Variants in PCMTD1 observed in about 807,000 individuals in gnomAD.
PCMTD1 encodes the protein protein-L-isoaspartate O-methyltransferase domain-containing protein 1.
A neutral mutation model predicts 37.6 loss-of-function variants in PCMTD1; 12 were observed. That is an observed-to-expected ratio of 0.32 (90% CI 0.20 to 0.52). PCMTD1 has a LOEUF of 0.52. Ranked by LOEUF, PCMTD1 falls within the 20% of genes least tolerant of loss-of-function variation. The pLI is 0.97. For synonymous variants in PCMTD1, 117 were observed against 135.8 expected (o/e 0.86, Z 0.96); for missense variants, 235 against 421.3 (o/e 0.56, Z 3.87).
rs1239306181 is a variant in PCMTD1 at position 51,898,932 on chromosome 8, G to C, written c.-98C>G. On this transcript the variant is annotated splice_region_variant and 5_prime_UTR_variant, in exon 1 of 6. Coordinates refer to ENST00000522514, the MANE Select transcript of PCMTD1 (RefSeq NM_052937.4). Reference sequence around the variant, plus strand: ...GCCCCCACTGGCGGCGGCGTTACCTGTGGCGCGGGCAGCGGCGCGCAGGCC... The same window carrying C: ...GCCCCCACTGGCGGCGGCGTTACCTCTGGCGCGGGCAGCGGCGCGCAGGCC... 10 of 1,381,018 alleles carry C rather than the reference G, an allele frequency of 7.2e-6. No homozygotes were observed. Among genetic ancestry groups the C allele is most frequent in the Non-Finnish European group, 8.4e-6 (9 of 1,068,560 alleles). 85.5% of individuals were successfully genotyped at this position (1,381,018 alleles called of 1,614,324 possible). A position where few individuals can be genotyped will look rare whatever the true frequency, so the allele number is the denominator to read the frequency against.
chr8:51,872,804 T>A (rs1377532079), intron 1 of PCMTD1, among the ~76,000 whole-genome samples: 1 of 152,236 alleles, frequency 6.6e-6, no homozygotes. Flanking sequence ...CATGAGCTCA[T>A]ATCAAATGTA....
intron 5 of PCMTD1, among the ~76,000 whole-genome samples, chr8:51,824,093 C>T (rs1332929154): frequency 6.6e-6 from 1 of 152,156 alleles, no homozygotes; most frequent in Non-Finnish European, 1.5e-5. Context: ...CAATATCATA[C>T]TGAATGGGCA....
rs189728153 is a variant in PCMTD1, at chr8:51,887,994, C to T, written c.-96+10936G>A. Among the ~76,000 whole-genome samples the T allele has an allele frequency of 1.1e-4, 17 of 152,212 alleles. No individual in the cohort carries two copies. The East Asian group carries it at 3.1e-3, about 28-fold the overall frequency. On this transcript the variant is annotated intron_variant, in intron 1 of 5. Coordinates refer to ENST00000522514, the MANE Select transcript of PCMTD1 (RefSeq NM_052937.4). ...TCTTGACCTCGTGATCCGCCCACCT[C>T]GGCCTCCAAAAGTGCTGGGATTACA... is the stretch of plus-strand genomic sequence containing the variant.
At chr8:51,878,458 G>C (rs1457679059) in intron 1 of PCMTD1, among the ~76,000 whole-genome samples, 1 of 152,098 alleles carries the variant, frequency 6.6e-6, no homozygotes, top group East Asian at 1.9e-4. Context: ...CATGAATTGT[G>C]AGTTAAAATG....
intron 1 of PCMTD1, among the ~76,000 whole-genome samples, chr8:51,877,055 A>G (rs937070939): frequency 6.6e-6 from 1 of 152,244 alleles, no homozygotes; most frequent in Non-Finnish European, 1.5e-5. Context: ...AACTAACTTC[A>G]CCAACATTGG....
intron 1 of PCMTD1, among the ~76,000 whole-genome samples, chr8:51,869,019 C>T (rs1374905426): frequency 6.6e-6 from 1 of 151,972 alleles, no homozygotes; most frequent in Admixed American, 6.6e-5. Flanking sequence ...CTTTCCAAAT[C>T]CAGAAGTATG....
At chr8:51,831,630 A>C (rs1434627276) in intron 4 of PCMTD1, 63 bp from the exon 5 acceptor site, 2 of 1,515,096 alleles carry the variant, frequency 1.3e-6, no homozygotes, top group African/African-American at 2.8e-5. Flanking sequence ...GTCACCTTAC[A>C]GTCAAAACTT....
chr8:51,898,800 T>A, intron 1 of PCMTD1, 130 bp downstream of exon 1: 84 of 673,006 alleles, frequency 1.2e-4, no homozygotes, highest in Middle Eastern at 1.4e-3. Context: ...TAAGTCCCCC[T>A]GCCCCCGACT....
chr8:51,856,204 G>T (rs1228177232), intron 2 of PCMTD1, among the ~76,000 whole-genome samples: 4 of 152,080 alleles, frequency 2.6e-5, no homozygotes, highest in Admixed American at 2.6e-4. Flanking sequence ...AACAGGAAAA[G>T]ATTTGACTAG....
At chr8:51,841,528 G>A (rs1055443656) in intron 3 of PCMTD1, among the ~76,000 whole-genome samples, 1 of 152,150 alleles carries the variant, frequency 6.6e-6, no homozygotes, top group Admixed American at 6.6e-5. Flanking sequence ...GCATTCCAGG[G>A]AGCCAAATCA....
intron 3 of PCMTD1, among the ~76,000 whole-genome samples, chr8:51,840,111 G>C (rs1237497617): frequency 6.6e-6 from 1 of 152,078 alleles, no homozygotes; most frequent in Non-Finnish European, 1.5e-5. Flanking sequence ...AGTCATCTCA[G>C]AATAATTCAA....
chr8:51,872,814 A>C (rs1010653143), intron 1 of PCMTD1, among the ~76,000 whole-genome samples: 2 of 152,176 alleles, frequency 1.3e-5, no homozygotes, highest in Non-Finnish European at 2.9e-5. Flanking sequence ...TATCAAATGT[A>C]CTCTTTCCAT....
At chr8:51,887,956 GA>G (rs2038888308) in intron 1 of PCMTD1, among the ~76,000 whole-genome samples, 1 of 151,960 alleles carries the variant, frequency 6.6e-6, no homozygotes, top group Non-Finnish European at 1.5e-5. Context: ...TGTTGGCCAG[GA>G]TGGTCTCAAT....
intron 1 of PCMTD1, among the ~76,000 whole-genome samples, chr8:51,877,609 ACATGGGG>A (rs1240843537): frequency 6.6e-6 from 1 of 152,190 alleles, no homozygotes; most frequent in Admixed American, 6.5e-5. Context: ...ATTCCTAATT[ACATGGGG>A]AGGAAAGTCT....
At chr8:51,889,062 T>C (rs897816486) in intron 1 of PCMTD1, among the ~76,000 whole-genome samples, 3 of 152,198 alleles carry the variant, frequency 2.0e-5, no homozygotes, top group Admixed American at 1.3e-4. Flanking sequence ...TCCCTGACTA[T>C]ATAGGACACA....
chr8:51,892,651 T>C (rs1024609206), intron 1 of PCMTD1, among the ~76,000 whole-genome samples: 1 of 152,236 alleles, frequency 6.6e-6, no homozygotes, highest in African/African-American at 2.4e-5. Flanking sequence ...AAATCAATTA[T>C]AATTGAAATA....
At chr8:51,878,265 T>TTTC (rs1477350533) in intron 1 of PCMTD1, among the ~76,000 whole-genome samples, 1 of 150,784 alleles carries the variant, frequency 6.6e-6, no homozygotes, top group Non-Finnish European at 1.5e-5. Flanking sequence ...TTTTTTTTTT[T>TTTC]AGCTCATCAG....
At chr8:51,820,784 T>TC in intron 5 of PCMTD1, 66 bp from the exon 6 acceptor site, 6 of 1,410,298 alleles carry the variant, frequency 4.3e-6, no homozygotes, top group Non-Finnish European at 5.6e-6. Flanking sequence ...TTGTTTATTT[T>TC]TTTCATAGAA....
At chr8:51,898,811 C>T (rs1438824916) in intron 1 of PCMTD1, 119 bp downstream of exon 1, 1 of 1,034,388 alleles carries the variant, frequency 9.7e-7, no homozygotes, top group East Asian at 3.3e-5. Flanking sequence ...GCCCCCGACT[C>T]TTCGGCTGCC....
Sources: gnomAD v4.1 joint callset for allele counts (sites outside exome capture counted in the v4.1 genomes callset) on GRCh38, gnomAD v4.1.1 for gene constraint, MANE v1.5 for transcripts, NCBI Gene and HGNC (gene_info 2026-07-23, HGNC 2026-07-21) for gene names.